The following DTNB variants were observed in gnomAD, a reference collection of about 807,000 sequenced individuals.
DTNB encodes the protein dystrobrevin beta, also known as DTN-B.
In DTNB, 63 loss-of-function variants were observed where a neutral mutation model predicts 90.7. The ratio of observed to expected loss-of-function variants is 0.69; its 90% CI spans 0.57 to 0.86. The LOEUF (loss-of-function observed/expected upper bound fraction) is 0.86. Ranked by LOEUF, DTNB falls within the 40% of genes least tolerant of loss-of-function variation. DTNB has a pLI of 0.00. For missense variants in DTNB, 744 were observed against 807.1 expected (o/e 0.92, Z 0.95); for synonymous variants, 277 against 286.7 (o/e 0.97, Z 0.34).
At chr2:25,501,483 G>A (rs1200886058) in intron 9 of DTNB, among the ~76,000 whole-genome samples, 5 of 151,960 alleles carry the variant, frequency 3.3e-5, no homozygotes, top group African/African-American at 7.3e-5. Flanking sequence ...AGGCTTAAAC[G>A]ATTCTCCTGC....
intron 6 of DTNB, among the ~76,000 whole-genome samples, chr2:25,581,843 A>G (rs1457617941): frequency 6.6e-6 from 1 of 152,226 alleles, no homozygotes; most frequent in African/African-American, 2.4e-5. Context: ...CTCACTTCAA[A>G]TTGTTCCAAA....
intron 4 of DTNB, among the ~76,000 whole-genome samples, chr2:25,617,980 G>T (rs2071275779): frequency 1.3e-5 from 2 of 152,140 alleles, no homozygotes; most frequent in Non-Finnish European, 2.9e-5. Context: ...TGAAGGGGTA[G>T]TCTCAACATC....
intron 1 of DTNB, among the ~76,000 whole-genome samples, chr2:25,662,146 A>T (rs1048278000): frequency 1.4e-5 from 2 of 138,354 alleles, no homozygotes; most frequent in Non-Finnish European, 3.2e-5. Flanking sequence ...ACAGAGCGAG[A>T]CTCCGTCTCA....
At chr2:25,536,619 C>A (rs558893047) in intron 8 of DTNB, among the ~76,000 whole-genome samples, 2 of 151,442 alleles carry the variant, frequency 1.3e-5, no homozygotes, top group Non-Finnish European at 2.9e-5. Flanking sequence ...AGAGAATCAC[C>A]GGAGCCCGAG....
At chr2:25,426,723 A>G (rs772411584) in intron 15 of DTNB, 8 of 152,212 alleles carry the variant, frequency 5.3e-5, no homozygotes, top group Non-Finnish European at 1.2e-4. Flanking sequence ...TGTGTGAGAC[A>G]ATTTCCATAA....
intron 1 of DTNB, among the ~76,000 whole-genome samples, chr2:25,654,162 G>C (rs1328269087): frequency 6.6e-6 from 1 of 152,182 alleles, no homozygotes; most frequent in East Asian, 1.9e-4. Flanking sequence ...CAAAGCTCGT[G>C]TTCTTTCCAC....
intron 2 of DTNB, among the ~76,000 whole-genome samples, chr2:25,645,109 G>A (rs1017357548): frequency 2.6e-5 from 4 of 152,228 alleles, no homozygotes; most frequent in African/African-American, 9.6e-5. Flanking sequence ...ATGGCTGGGT[G>A]CAGTGGCTCA....
intron 8 of DTNB, among the ~76,000 whole-genome samples, chr2:25,566,109 G>A (rs1335399207): frequency 2.0e-5 from 3 of 152,206 alleles, no homozygotes; most frequent in African/African-American, 7.2e-5. Flanking sequence ...TTCTCTGGCT[G>A]GTTGCAGGAA....
intron 16 of DTNB, among the ~76,000 whole-genome samples, chr2:25,393,085 G>A (rs576240121): frequency 1.3e-5 from 2 of 152,226 alleles, no homozygotes; most frequent in South Asian, 2.1e-4. Flanking sequence ...TTTAACATAC[G>A]TAAGTCAATA....
Position 25,646,839 on chromosome 2 carries a change from C to T in DTNB, c.67+5755G>A, listed in dbSNP as rs533903467. Among the ~76,000 whole-genome samples the T allele has an allele frequency of 9.8e-5, 15 of 152,292 alleles. 1 individual carries two copies. The South Asian group carries it at 1.2e-3, about 13-fold the overall frequency. ...TCAGGACCTCCTGAGGGCTGTGTCACGGGCCATGGTCACTCATATTTAGCT... is the reference window on the plus strand; with the variant it reads ...TCAGGACCTCCTGAGGGCTGTGTCATGGGCCATGGTCACTCATATTTAGCT... On this transcript the variant is annotated intron_variant, in intron 2 of 20. Coordinates refer to ENST00000406818, the MANE Select transcript of DTNB (RefSeq NM_021907.5).
intron 2 of DTNB, among the ~76,000 whole-genome samples, chr2:25,651,271 G>A (rs1277385188): frequency 1.3e-5 from 2 of 152,220 alleles, no homozygotes; most frequent in African/African-American, 2.4e-5. Context: ...CTTTATGGAT[G>A]AGGAAACAGA....
At chr2:25,487,535 G>C (rs991459045) in intron 9 of DTNB, among the ~76,000 whole-genome samples, 1 of 152,058 alleles carries the variant, frequency 6.6e-6, no homozygotes, top group Non-Finnish European at 1.5e-5. Context: ...CAACCCCCAG[G>C]GATACTGAGA....
intron 8 of DTNB, among the ~76,000 whole-genome samples, chr2:25,535,852 C>A (rs554012518): frequency 6.8e-6 from 1 of 146,510 alleles, no homozygotes; most frequent in East Asian, 2.1e-4. Flanking sequence ...GGCGGCCGGG[C>A]AGAGGCGCTC....
chr2:25,645,357 CA>C (rs70947900), intron 2 of DTNB, among the ~76,000 whole-genome samples: 42,419 of 98,904 alleles, frequency 0.43, 6,656 homozygotes, highest in Non-Finnish European at 0.51. Flanking sequence ...GACTCCATCA[CA>C]AAAAAAAAAA....
intron 6 of DTNB, among the ~76,000 whole-genome samples, chr2:25,594,590 T>C (rs906261333): frequency 1.3e-5 from 2 of 152,220 alleles, no homozygotes; most frequent in African/African-American, 4.8e-5. Context: ...TGAATCAGAG[T>C]ATCACAGGTC....
At chr2:25,444,780 G>A (rs1343392815) in intron 12 of DTNB, among the ~76,000 whole-genome samples, 1 of 151,994 alleles carries the variant, frequency 6.6e-6, no homozygotes, top group Non-Finnish European at 1.5e-5. Flanking sequence ...AAACCTATCT[G>A]GCAGGTTATA....
intron 16 of DTNB, among the ~76,000 whole-genome samples, chr2:25,412,199 GA>G: frequency 6.6e-6 from 1 of 152,264 alleles, no homozygotes; most frequent in East Asian, 1.9e-4. Flanking sequence ...CCCTTCCTTT[GA>G]GGTATATTTG....
intron 16 of DTNB, among the ~76,000 whole-genome samples, chr2:25,404,866 A>C (rs1200530766): frequency 1.3e-5 from 2 of 152,088 alleles, no homozygotes; most frequent in Non-Finnish European, 2.9e-5. Flanking sequence ...AAAAACTAAA[A>C]AATAATAGGC....
intron 4 of DTNB, among the ~76,000 whole-genome samples, chr2:25,627,912 AT>A (rs1362885904): frequency 1.3e-5 from 2 of 151,776 alleles, no homozygotes; most frequent in African/African-American, 4.8e-5. Context: ...AATTTTTTGT[AT>A]TTTTAGTAGA....
Sources: gnomAD v4.1 joint callset for allele counts (sites outside exome capture counted in the v4.1 genomes callset) on GRCh38, gnomAD v4.1.1 for gene constraint, MANE v1.5 for transcripts, NCBI Gene and HGNC (gene_info 2026-07-23, HGNC 2026-07-21) for gene names.